Variants in CLEC16A observed in about 807,000 individuals in gnomAD.
CLEC16A encodes C-type lectin domain containing 16A.
CLEC16A carries 51 observed loss-of-function variants against 109.5 expected under a neutral mutation model. The ratio of observed to expected loss-of-function variants is 0.47; its 90% CI spans 0.37 to 0.59. CLEC16A has a LOEUF of 0.59. Among genes scored for constraint, CLEC16A ranks in the 20% least tolerant of loss-of-function variants. The pLI, the probability that CLEC16A is intolerant of heterozygous loss-of-function variation, is 0.00. For missense variants in CLEC16A, 1,339 were observed against 1,394.0 expected (o/e 0.96, Z 0.63); for synonymous variants, 673 against 564.2 (o/e 1.19, Z -2.73).
intron 19 of CLEC16A, among the ~76,000 whole-genome samples, chr16:11,068,469 G>T (rs2048884821): frequency 1.3e-5 from 2 of 152,326 alleles, no homozygotes; most frequent in South Asian, 4.1e-4. Context: ...CTCTTCATGG[G>T]AGTGAACCCT....
chr16:10,971,664 A>G (rs757292447), intron 5 of CLEC16A: 14 of 311,902 alleles, frequency 4.5e-5, no homozygotes, highest in Non-Finnish European at 6.1e-5. Context: ...GCAATGTTGT[A>G]TTCCCAACAG....
chr16:11,119,959 G>GTGTTT (rs1250411532), intron 19 of CLEC16A, among the ~76,000 whole-genome samples: 1 of 129,272 alleles, frequency 7.7e-6, no homozygotes, highest in African/African-American at 3.2e-5. Context: ...GTTTTGTTTT[G>GTGTTT]TGTTGTGTTG....
intron 2 of CLEC16A, among the ~76,000 whole-genome samples, 199 bp downstream of exon 2, chr16:10,958,109 G>A (rs535254526): frequency 7.9e-5 from 12 of 151,474 alleles, no homozygotes; most frequent in Admixed American, 5.2e-4. Flanking sequence ...AAATGGGGAA[G>A]TTATGGAAAT....
intron 12 of CLEC16A, among the ~76,000 whole-genome samples, chr16:11,022,387 C>T (rs2046161559): frequency 1.7e-5 from 2 of 119,238 alleles, no homozygotes; most frequent in South Asian, 5.7e-4. Context: ...TACTATGTTG[C>T]TCAGGCTAGT....
intron 19 of CLEC16A, among the ~76,000 whole-genome samples, chr16:11,118,903 C>G (rs1340910223): frequency 6.6e-6 from 1 of 152,204 alleles, no homozygotes; most frequent in Non-Finnish European, 1.5e-5. Flanking sequence ...TGTTCTTTCC[C>G]CAGCGTATGT....
chr16:11,067,774 A>G (rs2152920373), intron 19 of CLEC16A, among the ~76,000 whole-genome samples: 1 of 152,310 alleles, frequency 6.6e-6, no homozygotes, highest in South Asian at 2.1e-4. Context: ...GGTGGTGTCC[A>G]CAAGCTGGCA....
At chr16:11,079,849 C>T (rs910993157) in intron 19 of CLEC16A, among the ~76,000 whole-genome samples, 2 of 152,182 alleles carry the variant, frequency 1.3e-5, no homozygotes, top group Admixed American at 1.3e-4. Context: ...CTGCTGGGCC[C>T]CCTTCCCTTT....
chr16:11,038,089 C>G (rs1029914958), intron 13 of CLEC16A, among the ~76,000 whole-genome samples: 1 of 152,146 alleles, frequency 6.6e-6, no homozygotes, highest in Non-Finnish European at 1.5e-5. Context: ...TTTAGGCCGT[C>G]CCTCACCCAG....
At chr16:11,075,957 T>C (rs1417739526) in intron 19 of CLEC16A, among the ~76,000 whole-genome samples, 8 of 152,224 alleles carry the variant, frequency 5.3e-5, no homozygotes. Flanking sequence ...AACCTTGGAA[T>C]ATCCTTGTTT....
chr16:10,945,310 C>T (rs947620092), intron 1 of CLEC16A, among the ~76,000 whole-genome samples: 1 of 152,150 alleles, frequency 6.6e-6, no homozygotes, highest in Non-Finnish European at 1.5e-5. Flanking sequence ...AAGCTCAGAA[C>T]ACGTACAATT....
intron 22 of CLEC16A, among the ~76,000 whole-genome samples, chr16:11,133,601 C>T (rs893880460): frequency 6.6e-6 from 1 of 152,124 alleles, no homozygotes; most frequent in Admixed American, 6.6e-5. Context: ...TCCAAAAAGG[C>T]AAAAAGAAAA....
At chr16:11,027,240 G>C in intron 13 of CLEC16A, 2 of 1,534,002 alleles carry the variant, frequency 1.3e-6, no homozygotes, top group Non-Finnish European at 1.8e-6. Flanking sequence ...CAGACGACTA[G>C]AAGTGAAACC....
intron 13 of CLEC16A, among the ~76,000 whole-genome samples, chr16:11,026,083 G>T (rs2046389331): frequency 6.6e-6 from 1 of 152,158 alleles, no homozygotes; most frequent in Non-Finnish European, 1.5e-5. Flanking sequence ...GCAAATCATA[G>T]ATATTAAGGA....
At chr16:11,103,485 CAG>C (rs1262034261) in intron 19 of CLEC16A, among the ~76,000 whole-genome samples, 1 of 152,186 alleles carries the variant, frequency 6.6e-6, no homozygotes, top group Admixed American at 6.5e-5. Flanking sequence ...GTGGCTGACA[CAG>C]GGGAATCACT....
At chr16:11,092,238 G>T (rs1240388635) in intron 19 of CLEC16A, among the ~76,000 whole-genome samples, 1 of 152,110 alleles carries the variant, frequency 6.6e-6, no homozygotes, top group Admixed American at 6.5e-5. Context: ...AAGCTGCTTG[G>T]GAAGCTGAGG....
At chr16:11,025,924 A>C (rs2046381064) in intron 13 of CLEC16A, among the ~76,000 whole-genome samples, 1 of 152,208 alleles carries the variant, frequency 6.6e-6, no homozygotes, top group Admixed American at 6.5e-5. Flanking sequence ...AAGTAGGAGT[A>C]TATATGGTTT....
chr16:11,157,239 T>A (rs2054567564), intron 22 of CLEC16A: 1 of 1,207,776 alleles, frequency 8.3e-7, no homozygotes, highest in African/African-American at 1.6e-5. Flanking sequence ...AGGTGCAGCC[T>A]AGTCAGTGAT....
chr16:11,067,051 G>A (rs1276437554), intron 19 of CLEC16A, among the ~76,000 whole-genome samples: 1 of 151,952 alleles, frequency 6.6e-6, no homozygotes, highest in African/African-American at 2.4e-5. Context: ...TGAGTAGGTA[G>A]CACATCATTT....
At chr16:10,978,236 C>T (rs375910456) in intron 8 of CLEC16A, among the ~76,000 whole-genome samples, 26 of 152,290 alleles carry the variant, frequency 1.7e-4, no homozygotes, top group African/African-American at 6.0e-4. Context: ...TCACCTATCC[C>T]TCAGGTGATT....
Sources: allele counts gnomAD v4.1 joint callset (sites outside exome capture counted in the v4.1 genomes callset), GRCh38; gene constraint gnomAD v4.1.1; transcripts MANE v1.5; gene names NCBI Gene and HGNC (gene_info 2026-07-23, HGNC 2026-07-21).